The following GLIS1 variants were observed in gnomAD, a reference collection of about 807,000 sequenced individuals.
GLIS1 encodes the protein GLIS family zinc finger 1.
In GLIS1, 24 loss-of-function variants were observed where a neutral mutation model predicts 63.8. The observed-to-expected ratio is 0.38, with a 90% CI of 0.27 to 0.53. The LOEUF (loss-of-function observed/expected upper bound fraction) is 0.53, where lower values mean the gene tolerates loss of function less well. Ranked by LOEUF, GLIS1 falls within the 20% of genes least tolerant of loss-of-function variation. The pLI, the probability that GLIS1 is intolerant of heterozygous loss-of-function variation, is 0.85. For missense variants in GLIS1, 1,036 were observed against 1,074.1 expected, an observed-to-expected ratio of 0.96 and a Z score of 0.50; for synonymous variants, 450 against 482.5, an observed-to-expected ratio of 0.93 and a Z score of 0.88.
chr1:53,685,331 G>A (rs1485349575), intron 2 of GLIS1, among the ~76,000 whole-genome samples: 2 of 152,292 alleles, frequency 1.3e-5, no homozygotes, highest in African/African-American at 2.4e-5. Context: ...TGGCCGCCCC[G>A]CCGCGGAGGA....
At chr1:53,556,903 C>T (rs1476975786) in intron 4 of GLIS1, among the ~76,000 whole-genome samples, 1 of 120,042 alleles carries the variant, frequency 8.3e-6, no homozygotes, top group African/African-American at 3.4e-5. Context: ...AGGTGTACTG[C>T]AGGTATGTGT....
chr1:53,535,682 GC>G (rs1273959649), intron 4 of GLIS1, among the ~76,000 whole-genome samples: 1 of 152,010 alleles, frequency 6.6e-6, no homozygotes, highest in African/African-American at 2.4e-5. Context: ...TCCACCCACT[GC>G]CCTAATCCAC....
At chr1:53,581,495 T>C (rs774956296) in intron 4 of GLIS1, among the ~76,000 whole-genome samples, 2 of 152,200 alleles carry the variant, frequency 1.3e-5, no homozygotes, top group Non-Finnish European at 2.9e-5. Context: ...GTTTGAGGCA[T>C]TGGAGATACA....
At chr1:53,673,688 T>C (rs1471001809) in intron 2 of GLIS1, among the ~76,000 whole-genome samples, 3 of 152,256 alleles carry the variant, frequency 2.0e-5, no homozygotes, top group African/African-American at 4.8e-5. Context: ...AACAGATGGA[T>C]AGAAAAACAA....
intron 2 of GLIS1, among the ~76,000 whole-genome samples, chr1:53,650,572 A>AGAT (rs1645895659): frequency 6.9e-6 from 1 of 144,426 alleles, no homozygotes; most frequent in South Asian, 2.4e-4. Context: ...CCTGGGCAAC[A>AGAT]GAGTGAGACT....
chr1:53,552,185 T>C (rs755595967), intron 4 of GLIS1, among the ~76,000 whole-genome samples: 16 of 152,060 alleles, frequency 1.1e-4, no homozygotes, highest in Non-Finnish European at 2.1e-4. Context: ...AGCCCAAAGA[T>C]GCAAGTCCCC....
intron 4 of GLIS1, among the ~76,000 whole-genome samples, chr1:53,532,025 G>A (rs973345300): frequency 3.3e-5 from 5 of 152,172 alleles, no homozygotes; most frequent in Non-Finnish European, 7.3e-5. Flanking sequence ...GGTTCATTAC[G>A]CTGGGGGTGG....
At chr1:53,644,914 G>A (rs1255320557) in intron 2 of GLIS1, among the ~76,000 whole-genome samples, 4 of 152,130 alleles carry the variant, frequency 2.6e-5, no homozygotes, top group African/African-American at 4.8e-5. Context: ...AGACTGTCTC[G>A]CTTATTTGTT....
chr1:53,639,919 T>A lies in GLIS1; in HGVS notation c.260-39641A>T, dbSNP rs1015579004. Among the ~76,000 whole-genome samples, 1 of 152,200 alleles carries A rather than the reference T, an allele frequency of 6.6e-6. No individual in the cohort carries two copies. Among genetic ancestry groups the A allele is most frequent in the African/African-American group, 2.4e-5 (1 of 41,454 alleles). Reference sequence around the variant, plus strand: ...TCCTGGGTTCAAATCCCAAGTCTGATACGTCACTGAGCCTCAGTTTATACT... The same window carrying A: ...TCCTGGGTTCAAATCCCAAGTCTGAAACGTCACTGAGCCTCAGTTTATACT... On this transcript the variant is annotated intron_variant, in intron 2 of 10. Transcript: ENST00000628545. This position sits in a 1 kb window ranked among gnomAD's most constrained non-coding sequence, Gnocchi z 4.6.
chr1:53,614,328 AG>A (rs1645456531), intron 2 of GLIS1, among the ~76,000 whole-genome samples: 1 of 152,206 alleles, frequency 6.6e-6, no homozygotes, highest in Non-Finnish European at 1.5e-5. Flanking sequence ...GGTGTCTCCA[AG>A]GGGGTGACAT....
chr1:53,722,271 A>G (rs1646763348), intron 2 of GLIS1, among the ~76,000 whole-genome samples: 1 of 152,228 alleles, frequency 6.6e-6, no homozygotes, highest in Non-Finnish European at 1.5e-5. Context: ...CTGGGAATCT[A>G]TCCTACAAAA....
At chr1:53,611,756 C>T (rs1419212079) in intron 2 of GLIS1, among the ~76,000 whole-genome samples, 1 of 152,212 alleles carries the variant, frequency 6.6e-6, no homozygotes, top group Non-Finnish European at 1.5e-5. Context: ...TCTTTGCTGA[C>T]CCTGAACTTC....
At position 53,598,592 on chromosome 1, in the gene GLIS1, G is replaced by A. The variant is rs1173215427; in HGVS notation, c.437+1509C>T. Among the ~76,000 whole-genome samples, 3 of 151,960 alleles carry A rather than the reference G, an allele frequency of 2.0e-5. No individual in the cohort carries two copies. The highest frequency in any genetic ancestry group is 2.9e-5 in the Non-Finnish European group (2 of 68,010). On this transcript the variant is annotated intron_variant, in intron 3 of 10. Coordinates refer to ENST00000628545, the MANE Select transcript of GLIS1 (RefSeq NM_001367484.1). The surrounding 1 kb of genome is among the most constrained non-coding windows in gnomAD (Gnocchi z 4.6). ...CGAGGGATGGCCACGTGAGTACTCA[G>A]CGACAAGGCGGTCATCTGCGAGCTA...
intron 2 of GLIS1, among the ~76,000 whole-genome samples, chr1:53,721,128 A>G (rs1212809583): frequency 1.3e-5 from 2 of 152,076 alleles, no homozygotes; most frequent in Non-Finnish European, 2.9e-5. Context: ...ATAAATAAAA[A>G]TCATGTATTG....
In GLIS1 at chr1:53,594,569, C is replaced by T; in HGVS notation, c.859G>A (p.Asp287Asn). ...GCCCGCTTGGAAGGGCCCCCCAGAT[C>T]TCCCGTCAGAGGGGGGCTCCGGAGT... ...NGLRSPPLTG[D>N]LGGPSKRARP... Residue 287 changes from aspartate (D) to asparagine (N), a missense_variant, in exon 4 of 11, where the codon GAT (aspartate) becomes AAT (asparagine). Asp to Asn is a conservative substitution (Grantham distance 23). Transcript: ENST00000628545. The T allele has an allele frequency of 6.3e-7, 1 of 1,598,544 alleles. No individual in the cohort carries two copies. The highest frequency in any genetic ancestry group is 8.6e-7 in the Non-Finnish European group (1 of 1,168,948).
At position 53,560,384 on chromosome 1, in the gene GLIS1, C is replaced by T. The variant is rs578102138; in HGVS notation, c.1321-30432G>A. ...CCCAGTAACACCCACCTGGGCCTCA[C>T]GAGTCAGGCAGGAGCTCGCTCCCTG... is the stretch of plus-strand genomic sequence containing the variant. On this transcript the variant is annotated intron_variant, in intron 4 of 10. Transcript: ENST00000628545. This position sits in a 1 kb window ranked among gnomAD's most constrained non-coding sequence, Gnocchi z 4.4. Among the ~76,000 whole-genome samples the T allele has an allele frequency of 6.6e-5, 10 of 152,316 alleles. No homozygotes were observed. The South Asian group carries it at 1.9e-3, about 28-fold the overall frequency.
chr1:53,526,526 TACACACACACAC>T lies in GLIS1; in HGVS notation c.1483-1651_1483-1640del, dbSNP rs112780974. Among the ~76,000 whole-genome samples the T allele has an allele frequency of 1.4e-5, 2 of 145,036 alleles. No individual in the cohort carries two copies. The highest frequency in any genetic ancestry group is 4.4e-4 in the South Asian group (2 of 4,512). On this transcript the variant is annotated intron_variant, in intron 5 of 10. Coordinates refer to ENST00000628545, the MANE Select transcript of GLIS1 (RefSeq NM_001367484.1). The surrounding 1 kb of genome is among the most constrained non-coding windows in gnomAD (Gnocchi z 4.4). Reference sequence around the variant, plus strand: ...GGTAGGCTCCCTCTCTCACACACCATACACACACACACACACACACACACACAAAACCACCAC... The same window carrying T: ...GGTAGGCTCCCTCTCTCACACACCATACACACACACACACAAAACCACCAC...
chr1:53,627,693 T>C (rs1467624753), intron 2 of GLIS1, among the ~76,000 whole-genome samples: 2 of 152,224 alleles, frequency 1.3e-5, no homozygotes, highest in East Asian at 3.8e-4. Context: ...GATAGCAGAA[T>C]GCAGGGCCAA....
chr1:53,643,399 G>C (rs1325002233), intron 2 of GLIS1, among the ~76,000 whole-genome samples: 2 of 152,204 alleles, frequency 1.3e-5, no homozygotes, highest in Non-Finnish European at 2.9e-5. Context: ...GGAGTCACCT[G>C]AACTTGACCT....
Sources: allele counts gnomAD v4.1 joint callset (sites outside exome capture counted in the v4.1 genomes callset), GRCh38; gene constraint gnomAD v4.1.1; non-coding constraint Gnocchi (gnomAD v3.1); transcripts MANE v1.5; gene names NCBI Gene and HGNC (gene_info 2026-07-23, HGNC 2026-07-21).